The following R3HCC1L variants were observed in gnomAD, a reference collection of about 807,000 sequenced individuals.
R3HCC1L encodes the protein R3H domain and coiled-coil containing 1 like.
In R3HCC1L, 51 loss-of-function variants were observed where a neutral mutation model predicts 59.9. The observed-to-expected ratio is 0.85, with a 90% CI of 0.68 to 1.07. R3HCC1L has a LOEUF of 1.07. R3HCC1L is among the 50% of genes least tolerant of loss of function. The pLI is 0.00. For missense variants in R3HCC1L, 965 were observed against 933.0 expected, an observed-to-expected ratio of 1.03 and a Z score of -0.45; for synonymous variants, 322 against 315.2, an observed-to-expected ratio of 1.02 and a Z score of -0.23.
chr10:98,160,769 C>G (rs1034998395), intron 2 of R3HCC1L, among the ~76,000 whole-genome samples: 3 of 152,142 alleles, frequency 2.0e-5, no homozygotes, highest in African/African-American at 7.2e-5. Flanking sequence ...CACTGTCACC[C>G]ATTCCTTCTG....
chr10:98,196,875 C>A (rs1851488532), intron 4 of R3HCC1L, among the ~76,000 whole-genome samples: 1 of 152,138 alleles, frequency 6.6e-6, no homozygotes, highest in Non-Finnish European at 1.5e-5. Flanking sequence ...ACCTACCAGC[C>A]ACTACTAATT....
rs553691139 is a variant in R3HCC1L at position 98,213,003 on chromosome 10, C to T, written c.1785+3104C>T. ...TAAAAGGAATACCATCTTTTCCCAC[C>T]CATCTTACTTCTCAGTGTGTGCTAA... On this transcript the variant is annotated intron_variant, in intron 5 of 9. Transcript: ENST00000298999. Among the ~76,000 whole-genome samples the T allele has an allele frequency of 3.3e-5, 5 of 152,164 alleles. No individual in the cohort carries two copies. In the South Asian group the frequency reaches 1.0e-3, roughly 32 times the overall value.
At chr10:98,219,879 C>A (rs761964921) in intron 5 of R3HCC1L, among the ~76,000 whole-genome samples, 2 of 152,104 alleles carry the variant, frequency 1.3e-5, no homozygotes, top group Non-Finnish European at 2.9e-5. Context: ...TGGGTTGAAT[C>A]TCTTTGGGAA....
chr10:98,191,969 C>T (rs1850904892), intron 4 of R3HCC1L, among the ~76,000 whole-genome samples: 2 of 152,072 alleles, frequency 1.3e-5, no homozygotes, highest in South Asian at 4.2e-4. Context: ...GGATTACAGG[C>T]ACCCGCCACC....
At chr10:98,238,912 T>G (rs1048437900) in intron 9 of R3HCC1L, among the ~76,000 whole-genome samples, 1 of 152,224 alleles carries the variant, frequency 6.6e-6, no homozygotes, top group African/African-American at 2.4e-5. Flanking sequence ...TGTTTTTTCC[T>G]TAGTAGAAAT....
At chr10:98,173,441 G>A (rs187770717) in intron 4 of R3HCC1L, among the ~76,000 whole-genome samples, 1 of 152,292 alleles carries the variant, frequency 6.6e-6, no homozygotes, top group East Asian at 1.9e-4. Context: ...GGTAGAGGGA[G>A]CCTAATGTAC....
intron 4 of R3HCC1L, among the ~76,000 whole-genome samples, chr10:98,168,144 C>T (rs1848138378): frequency 6.6e-6 from 1 of 152,138 alleles, no homozygotes; most frequent in Non-Finnish European, 1.5e-5. Context: ...TTCTTCTCTC[C>T]CTGCCCCCTA....
chr10:98,221,713 G>A (rs575299609), intron 5 of R3HCC1L, among the ~76,000 whole-genome samples: 15 of 152,158 alleles, frequency 9.9e-5, no homozygotes, highest in African/African-American at 3.6e-4. Context: ...ATTTCTGAGG[G>A]CTCTGTTCTG....
At chr10:98,231,490 T>G in intron 5 of R3HCC1L, 22 bp from the exon 6 acceptor site, 1 of 1,603,164 alleles carries the variant, frequency 6.2e-7, no homozygotes, top group Non-Finnish European at 8.5e-7. Flanking sequence ...AACCGGCACT[T>G]AACGTGCTTC....
At chr10:98,227,626 C>A (rs1196122843) in intron 5 of R3HCC1L, among the ~76,000 whole-genome samples, 56 of 149,208 alleles carry the variant, frequency 3.8e-4, no homozygotes, top group African/African-American at 1.4e-3. Context: ...TACATGTGCA[C>A]AACGTGCAGG....
Position 98,192,005 on chromosome 10 carries a change from A to C in R3HCC1L, c.-14-16096A>C, listed in dbSNP as rs547103757. ...ACGCCTGGCTAATTTTTGTACCTTCAGTAGAGATGGGGCTTCACCATGTTG... is the reference window on the plus strand; with the variant it reads ...ACGCCTGGCTAATTTTTGTACCTTCCGTAGAGATGGGGCTTCACCATGTTG... On this transcript the variant is annotated intron_variant, in intron 4 of 9. Coordinates refer to ENST00000298999, the MANE Select transcript of R3HCC1L (RefSeq NM_001351015.2). Among the ~76,000 whole-genome samples the C allele has an allele frequency of 4.6e-5, 7 of 152,178 alleles. No individual in the cohort carries two copies. The East Asian group carries it at 1.4e-3, about 29-fold the overall frequency.
In R3HCC1L at chr10:98,197,699, A is replaced by G. The variant is rs187646237; in HGVS notation, c.-14-10402A>G. 2.0e-5 allele frequency among the ~76,000 whole-genome samples: 3 copies of G among 152,310 alleles called. No individual in the cohort carries two copies. The East Asian group carries it at 5.8e-4, about 29-fold the overall frequency. On this transcript the variant is annotated intron_variant, in intron 4 of 9. Coordinates refer to ENST00000298999, the MANE Select transcript of R3HCC1L (RefSeq NM_001351015.2). Reference sequence around the variant, plus strand: ...CAATGGCATTGTAGATACAAAGACAAAAAGAAACTAACTCTACACTGAAGA... The same window carrying G: ...CAATGGCATTGTAGATACAAAGACAGAAAGAAACTAACTCTACACTGAAGA...
At chr10:98,204,076 C>T (rs1852348237) in intron 4 of R3HCC1L, among the ~76,000 whole-genome samples, 1 of 152,108 alleles carries the variant, frequency 6.6e-6, no homozygotes, top group African/African-American at 2.4e-5. Flanking sequence ...ATAAAAAGCA[C>T]TTAGAACATT....
At chr10:98,136,629 A>G (rs780930893) in intron 1 of R3HCC1L, among the ~76,000 whole-genome samples, 2 of 152,148 alleles carry the variant, frequency 1.3e-5, no homozygotes, top group African/African-American at 2.4e-5. Flanking sequence ...TGAGCTCAGG[A>G]GTTCAAGACC....
chr10:98,227,402 A>G (rs1040376705), intron 5 of R3HCC1L, among the ~76,000 whole-genome samples: 2 of 152,164 alleles, frequency 1.3e-5, no homozygotes, highest in African/African-American at 4.8e-5. Context: ...GAAAGGAGAT[A>G]TATATTCCTG....
chr10:98,228,473 A>G (rs975899313), intron 5 of R3HCC1L, among the ~76,000 whole-genome samples: 1 of 152,038 alleles, frequency 6.6e-6, no homozygotes, highest in Admixed American at 6.6e-5. Flanking sequence ...TTGTGGATAA[A>G]GATATTACTC....
At chr10:98,224,066 G>A (rs1206615406) in intron 5 of R3HCC1L, among the ~76,000 whole-genome samples, 1 of 152,080 alleles carries the variant, frequency 6.6e-6, no homozygotes, top group African/African-American at 2.4e-5. Context: ...TGGCAAGTGG[G>A]GCAGGCTAAT....
Position 98,204,047 on chromosome 10 carries a change from TAAG to T in R3HCC1L, c.-14-4050_-14-4048del, listed in dbSNP as rs763213571. 3.3e-5 allele frequency among the ~76,000 whole-genome samples: 5 copies of T among 152,298 alleles called. No homozygotes were observed. The South Asian group carries it at 1.0e-3, about 32-fold the overall frequency. On this transcript the variant is annotated intron_variant, in intron 4 of 9. Coordinates refer to ENST00000298999, the MANE Select transcript of R3HCC1L (RefSeq NM_001351015.2). Reference sequence around the variant, plus strand: ...CCCCAAATAATGGATTCTGTCCAGTTAAGAAGCAAATTAGATGGATAAAAAGCA... The same window carrying T: ...CCCCAAATAATGGATTCTGTCCAGTTAAGCAAATTAGATGGATAAAAAGCA...
intron 4 of R3HCC1L, among the ~76,000 whole-genome samples, chr10:98,177,492 T>C (rs1480199560): frequency 6.6e-6 from 1 of 152,176 alleles, no homozygotes; most frequent in African/African-American, 2.4e-5. Context: ...AATAAACATA[T>C]GTATGCATGT....
Sources: gnomAD v4.1 joint callset for allele counts (sites outside exome capture counted in the v4.1 genomes callset) on GRCh38, gnomAD v4.1.1 for gene constraint, MANE v1.5 for transcripts, NCBI Gene and HGNC (gene_info 2026-07-23, HGNC 2026-07-21) for gene names.